FBXW2: variants seen among roughly 807,000 people sequenced by gnomAD.
FBXW2 encodes F-box/WD repeat-containing protein 2.
In FBXW2, 12 loss-of-function variants were observed where a neutral mutation model predicts 46.0. That is an observed-to-expected ratio of 0.26 (90% confidence interval 0.17 to 0.42). FBXW2 has a LOEUF of 0.42. FBXW2 is among the 10% of genes least tolerant of loss of function. The pLI is 1.00. For missense variants in FBXW2, 360 were observed against 537.0 expected, an observed-to-expected ratio of 0.67 and a Z score of 3.26; for synonymous variants, 203 against 209.6, an observed-to-expected ratio of 0.97 and a Z score of 0.27.
chr9:120,790,674 A>G (rs1272535603), intron 2 of FBXW2, among the ~76,000 whole-genome samples: 1 of 152,214 alleles, frequency 6.6e-6, no homozygotes, highest in Non-Finnish European at 1.5e-5. Context: ...TCAAACGGCT[A>G]CAAGGCAAAT....
intron 2 of FBXW2, among the ~76,000 whole-genome samples, chr9:120,790,849 C>T (rs2131384944): frequency 6.6e-6 from 1 of 152,186 alleles, no homozygotes; most frequent in South Asian, 2.1e-4. Flanking sequence ...ATTAATGTGC[C>T]CATGACACCG....
Position 120,764,461 on chromosome 9 carries a change from G to A in FBXW2, c.*98C>T. On this transcript the variant is annotated 3_prime_UTR_variant, in exon 8 of 8. Transcript: ENST00000608872. ...GTGCACTGCGTGATGATACCATTAG[G>A]TGAGAACTTTGGTTCATGCAGTCGG... is the stretch of plus-strand genomic sequence containing the variant. 1 of 1,331,122 alleles carries A rather than the reference G, an allele frequency of 7.5e-7. No individual in the cohort carries two copies. The highest frequency in any genetic ancestry group is 1.0e-6 in the Non-Finnish European group (1 of 953,318). 82.5% of individuals were successfully genotyped at this position (1,331,122 alleles called of 1,614,324 possible).
intron 2 of FBXW2, among the ~76,000 whole-genome samples, chr9:120,791,265 G>T (rs2044834557): frequency 6.6e-6 from 1 of 152,156 alleles, no homozygotes; most frequent in Admixed American, 6.5e-5. Context: ...AAATCTCAGC[G>T]CTTTCCAACA....
At chr9:120,771,916 A>G (rs1470770050) in intron 6 of FBXW2, among the ~76,000 whole-genome samples, 3 of 151,658 alleles carry the variant, frequency 2.0e-5, no homozygotes, top group Non-Finnish European at 4.4e-5. Flanking sequence ...AAAATTAGCC[A>G]GGCGTGATAG....
Position 120,793,387 on chromosome 9 carries a change from CT to C in FBXW2, c.-164del, listed in dbSNP as rs1464304412. On this transcript the variant is annotated 5_prime_UTR_variant, in exon 1 of 8. Coordinates refer to ENST00000608872, the MANE Select transcript of FBXW2 (RefSeq NM_012164.4). ...GCGGCCGCTGCTCCCGGTCCGCAGC[CT>C]CACAGGGGAGCGGCTTCCGGTGCTG... is the stretch of plus-strand genomic sequence containing the variant. The C allele has an allele frequency of 2.5e-6, 1 of 400,696 alleles. No homozygotes were observed. Among genetic ancestry groups the C allele is most frequent in the Non-Finnish European group, 4.4e-6 (1 of 227,554 alleles). 24.8% of individuals were successfully genotyped at this position (400,696 alleles called of 1,614,324 possible).
chr9:120,764,560 C>T lies in FBXW2; in HGVS notation c.1364G>A (p.Ter455=). 6.2e-7 allele frequency: 1 copy of T among 1,607,376 alleles called. No individual in the cohort carries two copies. The change falls in exon 8 of 8, where the codon TGA becomes TAA. Residue 455 remains the stop codon, a stop_retained_variant. Transcript: ENST00000608872. ...IHLVLWKEHG[*] Reference sequence around the variant, plus strand: ...AGTCAGCGGTGGTGGCTCATGGTGTCAGCCGTGCTCCTTCCACAACACCAG... The same window carrying T: ...AGTCAGCGGTGGTGGCTCATGGTGTTAGCCGTGCTCCTTCCACAACACCAG...
chr9:120,784,740 T>C (rs1387590487), intron 3 of FBXW2, among the ~76,000 whole-genome samples: 1 of 151,724 alleles, frequency 6.6e-6, no homozygotes, highest in Non-Finnish European at 1.5e-5. Flanking sequence ...ACCAACATGG[T>C]GAAACCCCTT....
At position 120,772,480 on chromosome 9, in the gene FBXW2, G is replaced by A. The variant is rs376588949; in HGVS notation, c.906+274C>T. On this transcript the variant is annotated intron_variant, in intron 6 of 7. Transcript: ENST00000608872. ...TGCACTCCAACCTGGGCAACAGAGC[G>A]AGACTGTCTCAAAAAAAAACCAACA... Among the ~76,000 whole-genome samples, 242 of 134,286 alleles carry A rather than the reference G, an allele frequency of 1.8e-3. 2 individuals are homozygous for A. The highest frequency in any genetic ancestry group is 6.2e-3 in the African/African-American group (218 of 35,378). 88.1% of individuals were successfully genotyped at this position (134,286 alleles called of 152,430 possible).
rs1231681687 is a variant in FBXW2 at position 120,758,063 on chromosome 9, A to T, written c.*6496T>A. On this transcript the variant is annotated 3_prime_UTR_variant, in exon 8 of 8. Coordinates refer to ENST00000608872, the MANE Select transcript of FBXW2 (RefSeq NM_012164.4). The stretch of plus-strand genomic sequence containing the variant: ...TACAATGTTGCTGGGGAAACCAGGT[A>T]TTCACTTGTATTTTGGAAAAAACTG... 1.3e-5 allele frequency: 2 copies of T among 152,214 alleles called. No homozygotes were observed. The highest frequency in any genetic ancestry group is 1.3e-4 in the Admixed American group (2 of 15,272). 9.4% of individuals were successfully genotyped at this position (152,214 alleles called of 1,614,324 possible). A position where few individuals can be genotyped will look rare whatever the true frequency, so the allele number is the denominator to read the frequency against.
chr9:120,792,927 G>A lies in FBXW2; in HGVS notation c.-21+222C>T, dbSNP rs1481206124. 3.9e-6 allele frequency: 6 copies of A among 1,530,696 alleles called. No homozygotes were observed. In the East Asian group the frequency reaches 1.5e-4, roughly 38 times the overall value. 94.8% of individuals were successfully genotyped at this position (1,530,696 alleles called of 1,614,324 possible). A position where few individuals can be genotyped will look rare whatever the true frequency, so the allele number is the denominator to read the frequency against. On this transcript the variant is annotated intron_variant, in intron 2 of 7. Coordinates refer to ENST00000608872, the MANE Select transcript of FBXW2 (RefSeq NM_012164.4). Reference sequence around the variant, plus strand: ...ACCCACAATTATGGCGCAGTATAGCGCTTTGTACTTCATAAACCACCTCAT... The same window carrying A: ...ACCCACAATTATGGCGCAGTATAGCACTTTGTACTTCATAAACCACCTCAT...
chr9:120,770,375 C>CAAA (rs1196542430), intron 7 of FBXW2, among the ~76,000 whole-genome samples: 6 of 64,606 alleles, frequency 9.3e-5, no homozygotes, highest in East Asian at 3.8e-4. Flanking sequence ...GACTCCATCT[C>CAAA]AAAAAAAAAA....
rs1418089397 is a variant in FBXW2 at position 120,764,566 on chromosome 9, T to C, written c.1358A>G (p.His453Arg). ...CGGTGGTGGCTCATGGTGTCAGCCG[T>C]GCTCCTTCCACAACACCAGGTGAAT... ...HSIHLVLWKEHG is the reference protein window; with the variant it reads ...HSIHLVLWKERG Residue 453 changes from histidine to arginine, a missense_variant, in exon 8 of 8, where the codon CAC becomes CGC. Physicochemically the swap from His to Arg is conservative, Grantham distance 29 (BLOSUM62 0). Transcript: ENST00000608872. The C allele has an allele frequency of 3.7e-6, 6 of 1,612,164 alleles. No individual in the cohort carries two copies. In the African/African-American group the frequency reaches 4.0e-5, roughly 11 times the overall value.
At position 120,760,974 on chromosome 9, in the gene FBXW2, C is replaced by G. The variant is rs2131259426; in HGVS notation, c.*3585G>C. 1 of 152,316 alleles carries G rather than the reference C, an allele frequency of 6.6e-6. No individual in the cohort carries two copies. Among genetic ancestry groups the G allele is most frequent in the Admixed American group, 6.5e-5 (1 of 15,294 alleles). The allele number at this position is 152,316 out of a possible 1,614,324, so 9.4% of individuals were successfully genotyped here. On this transcript the variant is annotated 3_prime_UTR_variant, in exon 8 of 8. Transcript: ENST00000608872. ...CAGCCAGAACAGAGCAATTTTTAAACTACGAAAAATGAAGTGCAAACCTTA... is the reference window on the plus strand; with the variant it reads ...CAGCCAGAACAGAGCAATTTTTAAAGTACGAAAAATGAAGTGCAAACCTTA...
At chr9:120,776,288 G>C in intron 4 of FBXW2, 62 bp from the exon 5 acceptor site, 1 of 1,519,022 alleles carries the variant, frequency 6.6e-7, no homozygotes, top group East Asian at 2.4e-5. Flanking sequence ...TTATAATAGA[G>C]TTCAATAATG....
At chr9:120,778,295 C>T in intron 4 of FBXW2, 56 bp downstream of exon 4, 1 of 1,454,060 alleles carries the variant, frequency 6.9e-7, no homozygotes, top group Non-Finnish European at 9.3e-7. Context: ...ATTCTTGGCT[C>T]CTGGCTTAAA....
At chr9:120,766,145 G>A in intron 7 of FBXW2, among the ~76,000 whole-genome samples, 1 of 152,162 alleles carries the variant, frequency 6.6e-6, no homozygotes, top group East Asian at 1.9e-4. Flanking sequence ...ATAGGTTCAA[G>A]AGAGCAACCA....
At position 120,764,625 on chromosome 9, in the gene FBXW2, G is replaced by A. The variant is rs1364967211; in HGVS notation, c.1299C>T (p.Gly433=). The A allele has an allele frequency of 1.9e-6, 3 of 1,614,202 alleles. No homozygotes were observed. Among genetic ancestry groups the A allele is most frequent in the Admixed American group, 1.7e-5 (1 of 60,028 alleles). The part of the protein sequence containing the change: ...LNGLDGHNDT[G]LVFATSMPDH... The stretch of plus-strand genomic sequence containing the variant: ...CAGGCATGCTGGTGGCAAAGACCAA[G>A]CCCGTGTCATTGTGCCCATCCAGTC... The change falls in exon 8 of 8, where the codon GGC becomes GGT. Residue 433 remains glycine, a synonymous_variant. Coordinates refer to ENST00000608872, the MANE Select transcript of FBXW2 (RefSeq NM_012164.4).
chr9:120,778,156 A>G (rs532914389), intron 4 of FBXW2, among the ~76,000 whole-genome samples, 195 bp downstream of exon 4: 4 of 152,092 alleles, frequency 2.6e-5, no homozygotes, highest in Non-Finnish European at 5.9e-5. Flanking sequence ...ACATAGAAGA[A>G]AGCAAGAAAA....
Position 120,757,185 on chromosome 9 carries a change from A to G in FBXW2, c.*7374T>C, listed in dbSNP as rs1276390018. 1 of 152,152 alleles carries G rather than the reference A, an allele frequency of 6.6e-6. No homozygotes were observed. Among genetic ancestry groups the G allele is most frequent in the East Asian group, 1.9e-4 (1 of 5,200 alleles). 9.4% of individuals were successfully genotyped at this position (152,152 alleles called of 1,614,324 possible). On this transcript the variant is annotated 3_prime_UTR_variant, in exon 8 of 8. Coordinates refer to ENST00000608872, the MANE Select transcript of FBXW2 (RefSeq NM_012164.4). Reference sequence around the variant, plus strand: ...CCCCATAAAAATGTTGTCATGTGTTAAAGAAATGTCAGTTAAAGCAACCTT... The same window carrying G: ...CCCCATAAAAATGTTGTCATGTGTTGAAGAAATGTCAGTTAAAGCAACCTT...
Sources: gnomAD v4.1 joint callset for allele counts (sites outside exome capture counted in the v4.1 genomes callset) on GRCh38, gnomAD v4.1.1 for gene constraint, MANE v1.5 for transcripts, NCBI Gene and HGNC (gene_info 2026-07-23, HGNC 2026-07-21) for gene names.